TEC: variants seen among roughly 807,000 people sequenced by gnomAD.
TEC encodes tyrosine-protein kinase Tec.
Under a neutral mutation model 93.0 loss-of-function variants are expected in TEC, and 72 were observed. The ratio of observed to expected loss-of-function variants is 0.77; its 90% CI spans 0.64 to 0.94. The LOEUF (loss-of-function observed/expected upper bound fraction) is 0.94, where lower values mean the gene tolerates loss of function less well. Ranked by LOEUF, TEC falls within the 40% of genes least tolerant of loss-of-function variation. The probability of loss-of-function intolerance (pLI) is 0.00; values close to 1 mark genes in which losing one functional copy is unlikely to be tolerated. For synonymous variants in TEC, 249 were observed against 247.7 expected (o/e 1.01, Z -0.05); for missense variants, 630 against 757.9 (o/e 0.83, Z 1.98).
chr4:48,170,486 TAAG>T, intron 4 of TEC, 110 bp from the exon 5 acceptor site: 2 of 761,668 alleles, frequency 2.6e-6, no homozygotes, highest in South Asian at 4.5e-5. Flanking sequence ...ATGTTTACTA[TAAG>T]AACGCCCTTA....
chr4:48,228,797 T>C lies in TEC; in HGVS notation c.-45-138A>G, dbSNP rs1577657927. On this transcript the variant is annotated intron_variant, in intron 1 of 17. Transcript: ENST00000381501. ...TTGATCTCTGTGCCCAAACTGAGAA[T>C]GCCTGGGGCACAAAAATTCAATCTC... The C allele has an allele frequency of 1.2e-5, 7 of 598,578 alleles. No individual in the cohort carries two copies. The East Asian group carries it at 2.0e-4, about 17-fold the overall frequency. 37.1% of individuals were successfully genotyped at this position (598,578 alleles called of 1,614,324 possible).
intron 8 of TEC, among the ~76,000 whole-genome samples, chr4:48,159,581 GT>G (rs1168677166): frequency 2.7e-5 from 4 of 148,570 alleles, no homozygotes; most frequent in Admixed American, 2.0e-4. Flanking sequence ...TTGAGATGGG[GT>G]TTCACACTTG....
chr4:48,203,433 C>G (rs567177146), intron 2 of TEC, among the ~76,000 whole-genome samples: 21 of 152,316 alleles, frequency 1.4e-4, no homozygotes, highest in African/African-American at 4.8e-4. Context: ...ATTCTCAGAA[C>G]TGTTCCTCTA....
intron 3 of TEC, among the ~76,000 whole-genome samples, chr4:48,173,656 T>G (rs1306817934): frequency 2.0e-5 from 3 of 152,230 alleles, no homozygotes; most frequent in African/African-American, 4.8e-5. Flanking sequence ...TCAGTAACAC[T>G]ACCCACTGGT....
In TEC at chr4:48,269,320, C is replaced by T. The variant is rs1724721282; in HGVS notation, c.-46+432G>A. Reference sequence around the variant, plus strand: ...TCATTTACATTAGGTATATCTATCTCGACACTGCCAAATTTCAATCAAGAT... The same window carrying T: ...TCATTTACATTAGGTATATCTATCTTGACACTGCCAAATTTCAATCAAGAT... On this transcript the variant is annotated intron_variant, in intron 1 of 17. Coordinates refer to ENST00000381501, the MANE Select transcript of TEC (RefSeq NM_003215.3). Among the ~76,000 whole-genome samples the T allele has an allele frequency of 2.0e-5, 3 of 152,236 alleles. No homozygotes were observed. In the South Asian group the frequency reaches 6.2e-4, roughly 32 times the overall value.
intron 2 of TEC, among the ~76,000 whole-genome samples, chr4:48,207,157 G>A (rs1318672799): frequency 6.6e-6 from 1 of 152,208 alleles, no homozygotes; most frequent in Non-Finnish European, 1.5e-5. Flanking sequence ...GGACCAGGTG[G>A]TAGGAACATG....
intron 2 of TEC, among the ~76,000 whole-genome samples, chr4:48,179,539 C>T (rs1721502464): frequency 6.6e-6 from 1 of 151,198 alleles, no homozygotes; most frequent in South Asian, 2.1e-4. Context: ...CAGGCGTGTG[C>T]CACCACGCCC....
chr4:48,265,570 T>A (rs1301547416), intron 1 of TEC, among the ~76,000 whole-genome samples: 1 of 150,008 alleles, frequency 6.7e-6, no homozygotes, highest in African/African-American at 2.5e-5. Context: ...TGGAGTACAG[T>A]GACTCAATCT....
At chr4:48,268,408 G>C (rs903305787) in intron 1 of TEC, among the ~76,000 whole-genome samples, 14 of 152,222 alleles carry the variant, frequency 9.2e-5, no homozygotes, top group Non-Finnish European at 2.1e-4. Flanking sequence ...AAGCATCTGC[G>C]TTGGCAAGAG....
intron 1 of TEC, among the ~76,000 whole-genome samples, chr4:48,253,529 A>G (rs1724262851): frequency 6.7e-6 from 1 of 149,068 alleles, no homozygotes; most frequent in Non-Finnish European, 1.5e-5. Flanking sequence ...CATACTCCTT[A>G]GGGTCATTCC....
chr4:48,208,822 G>C (rs1240280086), intron 2 of TEC, among the ~76,000 whole-genome samples: 1 of 152,212 alleles, frequency 6.6e-6, no homozygotes. Context: ...GCCTACAACA[G>C]TACTTGGCAC....
intron 1 of TEC, among the ~76,000 whole-genome samples, chr4:48,262,298 GAGATTCTCCTGCCTCAGCCTCCCGAGT>G: frequency 6.9e-6 from 1 of 144,786 alleles, no homozygotes; most frequent in East Asian, 2.1e-4. Context: ...CTGAGTTCAA[GAGATTCTCCTGCCTCAGCCTCCCGAGT>G]AGCTGGAATT....
At chr4:48,209,023 T>G (rs1048006146) in intron 2 of TEC, among the ~76,000 whole-genome samples, 2 of 152,186 alleles carry the variant, frequency 1.3e-5, no homozygotes, top group Admixed American at 1.3e-4. Flanking sequence ...ATTTCTAAAT[T>G]TGTATTTCGG....
chr4:48,167,957 G>A lies in TEC; in HGVS notation c.496-4C>T, dbSNP rs780411738. On this transcript the variant is annotated splice_polypyrimidine_tract_variant and splice_region_variant and intron_variant, in intron 6 of 17. Transcript: ENST00000381501. ...GAATTGGTGGGGGAGGCCTTCGCTAGACAAGGAAGATAACATTTGAAAGTT... is the reference window on the plus strand; with the variant it reads ...GAATTGGTGGGGGAGGCCTTCGCTAAACAAGGAAGATAACATTTGAAAGTT... The A allele has an allele frequency of 1.2e-6, 2 of 1,613,174 alleles. No individual in the cohort carries two copies. Among genetic ancestry groups the A allele is most frequent in the Middle Eastern group, 1.6e-4 (1 of 6,076 alleles).
rs545475677 is a variant in TEC at position 48,204,158 on chromosome 4, G to T, written c.138+24319C>A. Among the ~76,000 whole-genome samples, 6 of 152,318 alleles carry T rather than the reference G, an allele frequency of 3.9e-5. No homozygotes were observed. In the East Asian group the frequency reaches 1.2e-3, roughly 29 times the overall value. ...CTGGCATCTGGAAACTTGAATCTGGGGAGGGTCCCATGATTTCTAGCAGTG... is the reference window on the plus strand; with the variant it reads ...CTGGCATCTGGAAACTTGAATCTGGTGAGGGTCCCATGATTTCTAGCAGTG... On this transcript the variant is annotated intron_variant, in intron 2 of 17. Coordinates refer to ENST00000381501, the MANE Select transcript of TEC (RefSeq NM_003215.3).
chr4:48,179,648 CAA>C (rs1324830425), intron 2 of TEC, among the ~76,000 whole-genome samples: 2 of 151,666 alleles, frequency 1.3e-5, no homozygotes, highest in Non-Finnish European at 2.9e-5. Context: ...CTCGGCCTCC[CAA>C]AGTGCTGGGA....
chr4:48,156,644 T>C, intron 9 of TEC, 36 bp downstream of exon 9: 2 of 1,586,242 alleles, frequency 1.3e-6, no homozygotes, highest in Non-Finnish European at 1.7e-6. Context: ...AAAATTAATT[T>C]GCCCTTAAGC....
At chr4:48,223,305 T>A (rs773210673) in intron 2 of TEC, among the ~76,000 whole-genome samples, 3 of 152,156 alleles carry the variant, frequency 2.0e-5, no homozygotes, top group Non-Finnish European at 2.9e-5. Flanking sequence ...AACAAAAATA[T>A]CCATGAAACT....
In TEC at chr4:48,156,678, A is replaced by T. The variant is rs1279048847; in HGVS notation, c.792+2T>A. ...GCCAAACCCACAAGTACAAACACTT[A>T]CTTCACTGCGGAGGAGTTGCTCTGC... On this transcript the variant is annotated splice_donor_variant, in intron 9 of 17. Transcript: ENST00000381501. LOFTEE classifies it high-confidence loss of function. 6.2e-7 allele frequency: 1 copy of T among 1,610,362 alleles called. No homozygotes were observed. The highest frequency in any genetic ancestry group is 1.7e-5 in the Admixed American group (1 of 58,950).
Sources: gnomAD v4.1 joint callset for allele counts (sites outside exome capture counted in the v4.1 genomes callset) on GRCh38, gnomAD v4.1.1 for gene constraint, MANE v1.5 for transcripts, NCBI Gene and HGNC (gene_info 2026-07-23, HGNC 2026-07-21) for gene names.